Variants in SPATA4 observed in about 807,000 individuals in gnomAD.
The protein encoded by SPATA4 is spermatogenesis associated 4, also known as spermatogenesis-associated protein 4.
A neutral mutation model predicts 31.8 loss-of-function variants in SPATA4; 35 were observed. The ratio of observed to expected loss-of-function variants is 1.10; its 90% CI spans 0.84 to 1.46. The LOEUF is 1.46. Ranked by LOEUF, SPATA4 falls within the 40% of genes most tolerant of loss-of-function variation. The pLI is 0.00. For synonymous variants in SPATA4, 126 were observed against 132.4 expected (o/e 0.95, Z 0.33); for missense variants, 394 against 363.1 (o/e 1.09, Z -0.69).
chr4:176,189,774 T>C (rs1022903415), intron 4 of SPATA4, among the ~76,000 whole-genome samples: 6 of 152,154 alleles, frequency 3.9e-5, no homozygotes, highest in African/African-American at 7.2e-5. Context: ...GCTGAGGCAA[T>C]TGGTTCTTCA....
At chr4:176,187,789 C>A (rs1189270880) in intron 5 of SPATA4, among the ~76,000 whole-genome samples, 1 of 152,192 alleles carries the variant, frequency 6.6e-6, no homozygotes, top group Admixed American at 6.5e-5. Context: ...GTATCTATAT[C>A]TGTCTCAGGA....
At chr4:176,187,677 C>A (rs1752467098) in intron 5 of SPATA4, among the ~76,000 whole-genome samples, 1 of 152,162 alleles carries the variant, frequency 6.6e-6, no homozygotes, top group Non-Finnish European at 1.5e-5. Context: ...TGAATTTGGA[C>A]CATGGGCTAC....
chr4:176,186,771 C>T (rs1752446819), intron 5 of SPATA4, among the ~76,000 whole-genome samples: 3 of 152,044 alleles, frequency 2.0e-5, no homozygotes, highest in African/African-American at 7.2e-5. Context: ...TTCTGCTTCT[C>T]TCCCCTTTAA....
intron 4 of SPATA4, among the ~76,000 whole-genome samples, chr4:176,188,539 G>T (rs879306005): frequency 3.3e-4 from 51 of 152,256 alleles, no homozygotes; most frequent in Admixed American, 2.1e-3. Context: ...CAATGAATGT[G>T]TGAGTGAATA....
chr4:176,193,708 G>A, intron 1 of SPATA4, 126 bp from the exon 2 acceptor site: 3 of 1,029,498 alleles, frequency 2.9e-6, no homozygotes, highest in Non-Finnish European at 1.3e-6. Context: ...TTGTTGGATC[G>A]TTGCTCTAAG....
rs1561241715 is a variant in SPATA4, at chr4:176,195,472, G to A, written c.91C>T (p.Pro31Ser). The change falls in exon 1 of 6, where the codon CCC becomes TCC. Residue 31 changes from proline to serine, a missense_variant. Physicochemically the swap from Pro to Ser is moderately conservative, Grantham distance 74 (BLOSUM62 -1). Coordinates refer to ENST00000280191, the MANE Select transcript of SPATA4 (RefSeq NM_144644.4). Reference protein sequence around the residue: ...SPSLSPQLAAPIRGRPKKCLV... With the variant: ...SPSLSPQLAASIRGRPKKCLV... ...CACTTCTTAGGCCTCCCTCGGATGG[G>A]AGCTGCTAGCTGTGGCGAAAGTGAC... 1 of 1,614,164 alleles carries A rather than the reference G, an allele frequency of 6.2e-7. No homozygotes were observed. The highest frequency in any genetic ancestry group is 1.3e-5 in the African/African-American group (1 of 74,960).
At chr4:176,193,655 C>T (rs971351434) in intron 1 of SPATA4, 73 bp from the exon 2 acceptor site, 2 of 1,390,942 alleles carry the variant, frequency 1.4e-6, no homozygotes, top group Non-Finnish European at 1.9e-6. Context: ...ATAATTAATA[C>T]TAGTCTAATA....
chr4:176,192,412 A>C (rs1752544902), intron 4 of SPATA4, among the ~76,000 whole-genome samples: 1 of 152,246 alleles, frequency 6.6e-6, no homozygotes, highest in African/African-American at 2.4e-5. Context: ...AAGTGTCTGT[A>C]TACTGTGTTA....
At chr4:176,192,278 C>T (rs1752543343) in intron 4 of SPATA4, among the ~76,000 whole-genome samples, 1 of 152,176 alleles carries the variant, frequency 6.6e-6, no homozygotes, top group East Asian at 1.9e-4. Flanking sequence ...TCATAGTAAT[C>T]CAGGCTTTTC....
rs142260014 is a variant in SPATA4 at position 176,188,119 on chromosome 4, G to A, written c.805C>T (p.Pro269Ser). Reference sequence around the variant, plus strand: ...TAAGAAGCAAAGAGTTAAAACTTACGTAAAACAGGGACAACTCTTCCTCTT... The same window carrying A: ...TAAGAAGCAAAGAGTTAAAACTTACATAAAACAGGGACAACTCTTCCTCTT... ...VKRGRVVPVL[P>S]NIGSGGSSHR... Residue 269 changes from proline to serine, a missense_variant and splice_region_variant, in exon 5 of 6, where the codon CCA becomes TCA. Coordinates refer to ENST00000280191, the MANE Select transcript of SPATA4 (RefSeq NM_144644.4). 5.4e-5 allele frequency: 87 copies of A among 1,601,760 alleles called. No homozygotes were observed. Among genetic ancestry groups the A allele is most frequent in the South Asian group, 2.3e-4 (21 of 89,984 alleles).
At chr4:176,192,045 CAA>C (rs1227751372) in intron 4 of SPATA4, among the ~76,000 whole-genome samples, 1 of 152,138 alleles carries the variant, frequency 6.6e-6, no homozygotes, top group African/African-American at 2.4e-5. Context: ...GCCAGAAAAA[CAA>C]ACAAAAACAT....
chr4:176,188,959 CAATT>C (rs1226240457), intron 4 of SPATA4, among the ~76,000 whole-genome samples: 1 of 152,160 alleles, frequency 6.6e-6, no homozygotes, highest in Non-Finnish European at 1.5e-5. Context: ...ATAGTTATCA[CAATT>C]AATTACTTTG....
At chr4:176,189,382 GA>G (rs1439006174) in intron 4 of SPATA4, among the ~76,000 whole-genome samples, 3 of 148,572 alleles carry the variant, frequency 2.0e-5, no homozygotes, top group Non-Finnish European at 3.0e-5. Flanking sequence ...AAATTAGTGG[GA>G]AAAAAAATCT....
chr4:176,185,591 TCTC>T (rs1244165209), intron 5 of SPATA4, among the ~76,000 whole-genome samples: 1 of 152,158 alleles, frequency 6.6e-6, no homozygotes, highest in Non-Finnish European at 1.5e-5. Flanking sequence ...TGTTTTTGCT[TCTC>T]CTCCTTCCAT....
intron 4 of SPATA4, among the ~76,000 whole-genome samples, chr4:176,192,315 C>G (rs1752543777): frequency 6.6e-6 from 1 of 152,190 alleles, no homozygotes; most frequent in Non-Finnish European, 1.5e-5. Context: ...CTGCTTAACT[C>G]TTAAACTCCT....
At chr4:176,191,246 C>T (rs1037502004) in intron 4 of SPATA4, among the ~76,000 whole-genome samples, 1 of 152,032 alleles carries the variant, frequency 6.6e-6, no homozygotes, top group Non-Finnish European at 1.5e-5. Flanking sequence ...CAGGCACACG[C>T]CACCATGCCC....
At chr4:176,191,597 G>A (rs771886415) in intron 4 of SPATA4, among the ~76,000 whole-genome samples, 6 of 152,144 alleles carry the variant, frequency 3.9e-5, no homozygotes, top group Non-Finnish European at 7.4e-5. Context: ...CATTATATAC[G>A]TGCATGTGTG....
chr4:176,192,546 G>C, intron 4 of SPATA4, 81 bp downstream of exon 4: 1 of 1,187,956 alleles, frequency 8.4e-7, no homozygotes, highest in Non-Finnish European at 1.2e-6. Flanking sequence ...AAATGGGCCA[G>C]TGCCGACATT....
At chr4:176,185,306 CTG>C (rs142508946) in intron 5 of SPATA4, among the ~76,000 whole-genome samples, 5,090 of 152,226 alleles carry the variant, frequency 0.033, 260 homozygotes, top group East Asian at 0.25. Flanking sequence ...CACCCAGACT[CTG>C]TAGGTCACTC....
Sources: gnomAD v4.1 joint callset for allele counts (sites outside exome capture counted in the v4.1 genomes callset) on GRCh38, gnomAD v4.1.1 for gene constraint, MANE v1.5 for transcripts, NCBI Gene and HGNC (gene_info 2026-07-23, HGNC 2026-07-21) for gene names.